RANBP17: variants seen among roughly 807,000 people sequenced by gnomAD.
RANBP17 encodes RAN binding protein 17.
RANBP17 carries 158 observed loss-of-function variants against 141.2 expected under a neutral mutation model. That is an observed-to-expected ratio of 1.12 (90% CI 0.98 to 1.28). RANBP17 has a LOEUF of 1.28. RANBP17 is among the 50% of genes most tolerant of loss of function. RANBP17 has a pLI of 0.00. For missense variants in RANBP17, 1,438 were observed against 1,290.7 expected, an observed-to-expected ratio of 1.11 and a Z score of -1.75; for synonymous variants, 430 against 450.0, an observed-to-expected ratio of 0.96 and a Z score of 0.56.
intron 9 of RANBP17, 138 bp from the exon 10 acceptor site, chr5:170,918,575 T>C (rs1365786008): frequency 1.8e-6 from 1 of 542,984 alleles, no homozygotes; most frequent in Non-Finnish European, 2.9e-6. Context: ...TTTTTTTACA[T>C]TGTTAACTAC....
chr5:171,130,431 C>CTTT (rs72051535), intron 14 of RANBP17, among the ~76,000 whole-genome samples: 45,809 of 89,974 alleles, frequency 0.51, 13,339 homozygotes, highest in South Asian at 0.77. Context: ...TTTAAAAAGA[C>CTTT]TTTTTTTTTT....
intron 13 of RANBP17, 138 bp downstream of exon 13, chr5:170,953,840 A>G (rs1411981883): frequency 6.7e-6 from 4 of 600,980 alleles, no homozygotes; most frequent in East Asian, 3.0e-5. Context: ...TTGGTGAGAA[A>G]ACCAAGGCTC....
intron 14 of RANBP17, among the ~76,000 whole-genome samples, chr5:171,004,022 G>A (rs1779409078): frequency 1.3e-5 from 2 of 152,192 alleles, no homozygotes; most frequent in South Asian, 2.1e-4. Flanking sequence ...TCCGGTTTTT[G>A]AATAGGTAAA....
At chr5:171,111,142 G>T (rs1262735655) in intron 14 of RANBP17, among the ~76,000 whole-genome samples, 2 of 152,198 alleles carry the variant, frequency 1.3e-5, no homozygotes, top group South Asian at 4.1e-4. Context: ...AAAAAGAAAG[G>T]TCAGAGTATT....
At chr5:170,930,724 T>C (rs1773301859) in intron 12 of RANBP17, among the ~76,000 whole-genome samples, 1 of 152,186 alleles carries the variant, frequency 6.6e-6, no homozygotes, top group Non-Finnish European at 1.5e-5. Flanking sequence ...TCCATGTCCC[T>C]ATAAAGGACA....
At chr5:171,007,710 G>A (rs1448087298) in intron 14 of RANBP17, among the ~76,000 whole-genome samples, 1 of 152,144 alleles carries the variant, frequency 6.6e-6, no homozygotes, top group Non-Finnish European at 1.5e-5. Flanking sequence ...GAAATCAAAA[G>A]TGCCGTTTTC....
intron 14 of RANBP17, among the ~76,000 whole-genome samples, chr5:171,050,175 T>G (rs1782862914): frequency 6.6e-6 from 1 of 152,176 alleles, no homozygotes; most frequent in African/African-American, 2.4e-5. Flanking sequence ...CTTGCTACCT[T>G]TAGATTACTT....
chr5:171,165,555 T>G (rs1310708780), intron 14 of RANBP17, among the ~76,000 whole-genome samples: 1 of 152,132 alleles, frequency 6.6e-6, no homozygotes, highest in Non-Finnish European at 1.5e-5. Context: ...AACACCTAGT[T>G]AGTGGCAGAT....
At chr5:170,882,476 T>G (rs959963010) in intron 3 of RANBP17, among the ~76,000 whole-genome samples, 1 of 152,214 alleles carries the variant, frequency 6.6e-6, no homozygotes, top group Non-Finnish European at 1.5e-5. Flanking sequence ...ATAAGATTTT[T>G]GAGTTATCCT....
At chr5:170,938,943 C>G (rs1431920038) in intron 12 of RANBP17, among the ~76,000 whole-genome samples, 1 of 151,886 alleles carries the variant, frequency 6.6e-6, no homozygotes, top group Non-Finnish European at 1.5e-5. Flanking sequence ...TACAGCAAGC[C>G]CAACATATAC....
intron 22 of RANBP17, among the ~76,000 whole-genome samples, chr5:171,229,084 G>C (rs1323712906): frequency 2.0e-5 from 3 of 152,172 alleles, no homozygotes; most frequent in African/African-American, 7.2e-5. Context: ...ATAATTCATT[G>C]GTCTTGAAAT....
intron 25 of RANBP17, among the ~76,000 whole-genome samples, chr5:171,274,800 A>G (rs906252824): frequency 6.6e-6 from 1 of 152,226 alleles, no homozygotes; most frequent in Non-Finnish European, 1.5e-5. Flanking sequence ...TAGTGTAGTC[A>G]TAGACTGCTA....
chr5:170,999,371 C>T (rs1779044568), intron 14 of RANBP17, among the ~76,000 whole-genome samples: 1 of 152,016 alleles, frequency 6.6e-6, no homozygotes, highest in Admixed American at 6.6e-5. Flanking sequence ...CTAATAAAGG[C>T]ACATTATGTT....
intron 13 of RANBP17, among the ~76,000 whole-genome samples, chr5:170,961,938 T>C (rs989885212): frequency 6.6e-6 from 1 of 152,170 alleles, no homozygotes; most frequent in Non-Finnish European, 1.5e-5. Context: ...ATTTTCTAGG[T>C]TGTTTTGCAG....
chr5:170,870,305 G>A (rs1348596159), intron 1 of RANBP17, among the ~76,000 whole-genome samples: 1 of 152,016 alleles, frequency 6.6e-6, no homozygotes, highest in Admixed American at 6.6e-5. Context: ...CGCACCTGTT[G>A]ACCCGTCACC....
In RANBP17 at chr5:171,235,124, G is replaced by A. The variant is rs549324142; in HGVS notation, c.2423-5804G>A. On this transcript the variant is annotated intron_variant, in intron 22 of 27. Coordinates refer to ENST00000523189, the MANE Select transcript of RANBP17 (RefSeq NM_022897.5). ...ACGAGGTAGTCACCTATGACCTATC[G>A]AAAGCTGCCAGTCAATCAAGTAAGA... Among the ~76,000 whole-genome samples, 9 of 152,234 alleles carry A rather than the reference G, an allele frequency of 5.9e-5. No individual in the cohort carries two copies. The South Asian group carries it at 1.5e-3, about 25-fold the overall frequency.
intron 14 of RANBP17, among the ~76,000 whole-genome samples, chr5:170,987,651 A>C (rs900884281): frequency 2.0e-5 from 3 of 151,882 alleles, no homozygotes; most frequent in African/African-American, 7.2e-5. Flanking sequence ...CAGAAAGTTG[A>C]GCAAATAATT....
At chr5:170,871,439 G>A (rs1417012200) in intron 1 of RANBP17, among the ~76,000 whole-genome samples, 1 of 152,094 alleles carries the variant, frequency 6.6e-6, no homozygotes, top group East Asian at 1.9e-4. Context: ...TTTGTCACAT[G>A]GGTTGATTGC....
At chr5:171,155,006 A>C (rs757615323) in intron 14 of RANBP17, among the ~76,000 whole-genome samples, 71 of 147,412 alleles carry the variant, frequency 4.8e-4, no homozygotes, top group Admixed American at 1.5e-3. Flanking sequence ...TGAACCCGGG[A>C]GGCAGAGGTT....
Sources: allele counts gnomAD v4.1 joint callset (sites outside exome capture counted in the v4.1 genomes callset), GRCh38; gene constraint gnomAD v4.1.1; transcripts MANE v1.5; gene names NCBI Gene and HGNC (gene_info 2026-07-23, HGNC 2026-07-21).